AGBL3: variants seen among roughly 807,000 people sequenced by gnomAD.
AGBL3 encodes the protein cytosolic carboxypeptidase 3.
In AGBL3, 68 loss-of-function variants were observed where a neutral mutation model predicts 94.5. That is an observed-to-expected ratio of 0.72 (90% CI 0.59 to 0.88). The LOEUF (loss-of-function observed/expected upper bound fraction) is 0.88. AGBL3 is among the 40% of genes least tolerant of loss of function. The pLI, the probability that AGBL3 is intolerant of heterozygous loss-of-function variation, is 0.00. For synonymous variants in AGBL3, 354 were observed against 370.7 expected (o/e 0.95, Z 0.52); for missense variants, 934 against 1,103.8 (o/e 0.85, Z 2.18).
At chr7:135,096,414 G>A (rs73153765) in intron 15 of AGBL3, among the ~76,000 whole-genome samples, 3 of 147,154 alleles carry the variant, frequency 2.0e-5, no homozygotes, top group Non-Finnish European at 3.0e-5. Flanking sequence ...GAGGAAGGAA[G>A]GAAAGAAAGA....
intron 12 of AGBL3, 85 bp downstream of exon 12, chr7:135,059,320 G>A: frequency 1.3e-6 from 1 of 764,254 alleles, no homozygotes; most frequent in Non-Finnish European, 2.0e-6. Context: ...AAAAAAAATT[G>A]CAGATATGTA....
At position 135,044,011 on chromosome 7, in the gene AGBL3, T is replaced by C. The variant is rs1256024110; in HGVS notation, c.1501-14T>C. ...CCAGAACAACGAGTCTCATTTTTATTTGCTGCTTTTCAGTTTTCATTCTCA... is the reference window on the plus strand; with the variant it reads ...CCAGAACAACGAGTCTCATTTTTATCTGCTGCTTTTCAGTTTTCATTCTCA... On this transcript the variant is annotated splice_polypyrimidine_tract_variant and intron_variant, in intron 8 of 16. Transcript: ENST00000436302. 1 of 1,546,264 alleles carries C rather than the reference T, an allele frequency of 6.5e-7. No homozygotes were observed. Among genetic ancestry groups the C allele is most frequent in the Admixed American group, 2.0e-5 (1 of 50,644 alleles).
intron 16 of AGBL3, among the ~76,000 whole-genome samples, chr7:135,125,704 G>C (rs1442486406): frequency 6.6e-6 from 1 of 152,198 alleles, no homozygotes; most frequent in Non-Finnish European, 1.5e-5. Context: ...CCATGATGAA[G>C]TTGGCTTCAT....
At chr7:135,019,464 T>G (rs985953118) in intron 5 of AGBL3, among the ~76,000 whole-genome samples, 49 of 152,358 alleles carry the variant, frequency 3.2e-4, no homozygotes, top group Middle Eastern at 3.4e-3. Flanking sequence ...TTTATTCTTT[T>G]CACTTTTTTA....
At chr7:135,132,673 C>G (rs1828942070) in intron 16 of AGBL3, among the ~76,000 whole-genome samples, 1 of 152,088 alleles carries the variant, frequency 6.6e-6, no homozygotes, top group Admixed American at 6.6e-5. Flanking sequence ...TGGTACTGAA[C>G]AAGTCTCAGG....
intron 6 of AGBL3, among the ~76,000 whole-genome samples, chr7:135,033,692 A>G (rs991723076): frequency 7.9e-5 from 12 of 152,158 alleles, no homozygotes; most frequent in Admixed American, 7.9e-4. Context: ...AAATTATGTA[A>G]TCTATGTGAT....
In AGBL3 at chr7:135,111,673, T is replaced by C. The variant is rs142973335; in HGVS notation, c.2111-3707T>C. ...TGACACTACTCTCTCCTGGTTTTACTCCTGTTTCTCTAGCCATTCATGAAA... is the reference window on the plus strand; with the variant it reads ...TGACACTACTCTCTCCTGGTTTTACCCCTGTTTCTCTAGCCATTCATGAAA... On this transcript the variant is annotated intron_variant, in intron 15 of 16. Transcript: ENST00000436302. Among the ~76,000 whole-genome samples the C allele has an allele frequency of 4.6e-3, 700 of 152,308 alleles. 3 individuals carry two copies. Among genetic ancestry groups the C allele is most frequent in the African/African-American group, 0.016 (669 of 41,566 alleles).
At chr7:135,020,382 T>C (rs1814297869) in intron 5 of AGBL3, among the ~76,000 whole-genome samples, 2 of 152,166 alleles carry the variant, frequency 1.3e-5, no homozygotes, top group South Asian at 4.1e-4. Context: ...CAAGTTAGAA[T>C]GGCGATCATT....
At chr7:135,102,611 T>A in intron 15 of AGBL3, among the ~76,000 whole-genome samples, 1 of 130,136 alleles carries the variant, frequency 7.7e-6, no homozygotes, top group Non-Finnish European at 1.7e-5. Context: ...AGAACTTTGG[T>A]CCTTTCTCTT....
At chr7:135,049,434 C>T (rs1423588119) in intron 11 of AGBL3, among the ~76,000 whole-genome samples, 3 of 151,824 alleles carry the variant, frequency 2.0e-5, no homozygotes, top group East Asian at 1.9e-4. Context: ...TTAATGTGAG[C>T]GTCCTAAAAT....
chr7:135,032,343 C>T (rs891967952), intron 5 of AGBL3, among the ~76,000 whole-genome samples: 6 of 151,904 alleles, frequency 3.9e-5, no homozygotes, highest in African/African-American at 9.7e-5. Flanking sequence ...CTCACTCTGT[C>T]GCCCAGGGTA....
At chr7:135,020,730 TA>T (rs1320596265) in intron 5 of AGBL3, among the ~76,000 whole-genome samples, 2 of 151,954 alleles carry the variant, frequency 1.3e-5, no homozygotes, top group African/African-American at 4.8e-5. Flanking sequence ...TATGCGGCCA[TA>T]AAAAATGATG....
At chr7:134,993,700 G>C in intron 4 of AGBL3, 22 bp downstream of exon 4, 1 of 1,493,480 alleles carries the variant, frequency 6.7e-7, no homozygotes, top group Middle Eastern at 1.7e-4. Context: ...GCAGTTTGGG[G>C]GATTCAGACA....
chr7:135,026,596 T>A (rs910018080), intron 5 of AGBL3, among the ~76,000 whole-genome samples: 14 of 151,630 alleles, frequency 9.2e-5, no homozygotes, highest in Non-Finnish European at 2.1e-4. Context: ...AACTAGGAAA[T>A]ATTTCTTTTT....
chr7:135,115,840 T>TA, intron 16 of AGBL3: 1 of 449,560 alleles, frequency 2.2e-6, no homozygotes, highest in Non-Finnish European at 4.0e-6. Context: ...AACTACTCAT[T>TA]AATTTAGATC....
At chr7:135,061,390 T>C (rs978520025) in intron 12 of AGBL3, among the ~76,000 whole-genome samples, 1 of 152,146 alleles carries the variant, frequency 6.6e-6, no homozygotes, top group Admixed American at 6.6e-5. Flanking sequence ...TTTAGTTTGA[T>C]GTAATCCCAT....
At chr7:134,986,793 T>C (rs1384318086) in intron 1 of AGBL3, 92 bp downstream of exon 1, 1 of 152,232 alleles carries the variant, frequency 6.6e-6, no homozygotes, top group Non-Finnish European at 1.5e-5. Flanking sequence ...CAGGAGTGAG[T>C]GCGGGAAGGA....
chr7:135,094,317 C>T (rs1476176539), intron 15 of AGBL3: 1 of 455,020 alleles, frequency 2.2e-6, no homozygotes, highest in Non-Finnish European at 4.4e-6. Context: ...GACAAGTAAA[C>T]TACTACCCTG....
chr7:135,125,458 A>G (rs1044121122), intron 16 of AGBL3, among the ~76,000 whole-genome samples: 2 of 152,188 alleles, frequency 1.3e-5, no homozygotes, highest in Non-Finnish European at 2.9e-5. Context: ...GAATTTTACC[A>G]GAAGTACAAA....
Sources: gnomAD v4.1 joint callset for allele counts (sites outside exome capture counted in the v4.1 genomes callset) on GRCh38, gnomAD v4.1.1 for gene constraint, MANE v1.5 for transcripts, NCBI Gene and HGNC (gene_info 2026-07-23, HGNC 2026-07-21) for gene names.